KIAA1217: variants seen among roughly 807,000 people sequenced by gnomAD.
KIAA1217 encodes KIAA1217.
KIAA1217 carries 88 observed loss-of-function variants against 163.9 expected under a neutral mutation model. The ratio of observed to expected loss-of-function variants is 0.54; its 90% CI spans 0.45 to 0.64. The LOEUF is 0.64. Among genes scored for constraint, KIAA1217 ranks in the 30% least tolerant of loss-of-function variants. KIAA1217 has a pLI of 0.00. For missense variants in KIAA1217, 2,372 were observed against 2,475.0 expected (o/e 0.96, Z 0.88); for synonymous variants, 903 against 923.1 (o/e 0.98, Z 0.39).
chr10:24,483,314 C>T (rs2064943893), intron 6 of KIAA1217, among the ~76,000 whole-genome samples: 1 of 152,172 alleles, frequency 6.6e-6, no homozygotes, highest in South Asian at 2.1e-4. Flanking sequence ...CATCTCTCAC[C>T]TGACTTGCTA....
rs1564424234 is a variant in KIAA1217, at chr10:23,790,557, G to GTATATGTGCATATA, written c.-321+95325_-321+95326insTATGTGCATATATA. ...CATATACATGTGCATATATACATAT[G>GTATATGTGCATATA]TACATATGTATATATACATATGTAT... On this transcript the variant is annotated intron_variant, in intron 1 of 18. Transcript: ENST00000376462. 7.2e-5 allele frequency among the ~76,000 whole-genome samples: 5 copies of GTATATGTGCATATA among 69,482 alleles called. 2 individuals carry two copies. Among genetic ancestry groups the GTATATGTGCATATA allele is most frequent in the African/African-American group, 5.7e-4 (5 of 8,762 alleles). The allele number at this position is 69,482 out of a possible 152,430, so 45.6% of individuals were successfully genotyped here. A position where few individuals can be genotyped will look rare whatever the true frequency, so the allele number is the denominator to read the frequency against.
At chr10:24,235,164 T>C (rs1343296739) in intron 2 of KIAA1217, among the ~76,000 whole-genome samples, 1 of 152,218 alleles carries the variant, frequency 6.6e-6, no homozygotes, top group African/African-American at 2.4e-5. Flanking sequence ...CCATCTGCCT[T>C]ACTCCAAGTC....
At chr10:24,168,005 G>A (rs1395017509) in intron 2 of KIAA1217, among the ~76,000 whole-genome samples, 2 of 152,150 alleles carry the variant, frequency 1.3e-5, no homozygotes, top group Non-Finnish European at 2.9e-5. Flanking sequence ...TCTCTCATGA[G>A]GCCCCACCAC....
chr10:24,180,225 T>C (rs1328612051), intron 2 of KIAA1217, among the ~76,000 whole-genome samples: 2 of 150,912 alleles, frequency 1.3e-5, no homozygotes. Context: ...TTTGAGGACC[T>C]CTACAGTCAG....
intron 1 of KIAA1217, among the ~76,000 whole-genome samples, chr10:23,752,347 A>C (rs114016357): frequency 0.019 from 2,830 of 152,252 alleles, 86 homozygotes; most frequent in African/African-American, 0.06. Context: ...ATATGGGCTT[A>C]AGCAAGTCTC....
At chr10:23,810,425 G>A (rs190767962) in intron 1 of KIAA1217, among the ~76,000 whole-genome samples, 36 of 140,156 alleles carry the variant, frequency 2.6e-4, no homozygotes, top group Non-Finnish European at 4.7e-4. Context: ...ATACACACAC[G>A]CTATATGTAC....
chr10:24,519,840 A>T (rs1233714601), intron 10 of KIAA1217, among the ~76,000 whole-genome samples: 1 of 151,964 alleles, frequency 6.6e-6, no homozygotes, highest in Admixed American at 6.5e-5. Context: ...AGCACCACTG[A>T]ATAAAAAGAC....
intron 1 of KIAA1217, among the ~76,000 whole-genome samples, chr10:23,809,587 C>A (rs927455847): frequency 6.6e-6 from 1 of 151,880 alleles, no homozygotes; most frequent in Admixed American, 6.6e-5. Context: ...ATCACTGTAA[C>A]TAAATGCTTT....
intron 2 of KIAA1217, chr10:24,255,584 A>G (rs1255619099): frequency 2.4e-5 from 11 of 455,584 alleles, no homozygotes; most frequent in South Asian, 1.6e-4. Context: ...TCCGAGCAGC[A>G]GACAGGAGCA....
chr10:24,408,855 C>T (rs995762380), intron 3 of KIAA1217, among the ~76,000 whole-genome samples: 3 of 152,112 alleles, frequency 2.0e-5, no homozygotes, highest in African/African-American at 7.2e-5. Flanking sequence ...GGACTAATAG[C>T]CACCTGATAT....
chr10:24,198,335 G>A (rs1051135394), intron 2 of KIAA1217, among the ~76,000 whole-genome samples: 3 of 152,194 alleles, frequency 2.0e-5, no homozygotes, highest in African/African-American at 4.8e-5. Flanking sequence ...CTGGGTGGGC[G>A]TGGTGGCTCA....
chr10:24,477,678 A>G (rs2064190697), intron 6 of KIAA1217, among the ~76,000 whole-genome samples: 1 of 152,262 alleles, frequency 6.6e-6, no homozygotes, highest in Non-Finnish European at 1.5e-5. Flanking sequence ...CATTTTAAAT[A>G]TAACTGCCCT....
intron 1 of KIAA1217, among the ~76,000 whole-genome samples, chr10:23,702,808 A>C (rs377766962): frequency 1.7e-4 from 26 of 152,278 alleles, no homozygotes; most frequent in African/African-American, 6.3e-4. Flanking sequence ...TTTGCTACTT[A>C]AAAATTAACA....
intron 2 of KIAA1217, among the ~76,000 whole-genome samples, chr10:24,093,812 C>G (rs2062036143): frequency 8.3e-6 from 1 of 120,386 alleles, no homozygotes; most frequent in Non-Finnish European, 1.6e-5. Context: ...CCCCCCACCC[C>G]ACAACAGTCC....
intron 1 of KIAA1217, among the ~76,000 whole-genome samples, chr10:23,846,108 A>G (rs1839015212): frequency 6.6e-6 from 1 of 152,168 alleles, no homozygotes; most frequent in African/African-American, 2.4e-5. Context: ...TTTTGGTACC[A>G]GTACCATGCT....
At chr10:24,264,682 T>C (rs2076035682) in intron 2 of KIAA1217, among the ~76,000 whole-genome samples, 1 of 152,034 alleles carries the variant, frequency 6.6e-6, no homozygotes, top group Non-Finnish European at 1.5e-5. Context: ...GGGAAATGAA[T>C]GATCTGACAG....
intron 2 of KIAA1217, among the ~76,000 whole-genome samples, chr10:24,185,803 A>G (rs574497430): frequency 6.6e-6 from 1 of 152,136 alleles, no homozygotes; most frequent in East Asian, 1.9e-4. Flanking sequence ...CTCAAAAAAA[A>G]AAATTGCAAA....
At chr10:24,418,917 C>T (rs1474221922) in intron 3 of KIAA1217, among the ~76,000 whole-genome samples, 1 of 151,896 alleles carries the variant, frequency 6.6e-6, no homozygotes, top group African/African-American at 2.4e-5. Context: ...TGGCTCACGC[C>T]TGTAATCCCA....
At chr10:23,911,045 A>T (rs1349699809) in intron 1 of KIAA1217, among the ~76,000 whole-genome samples, 1 of 152,220 alleles carries the variant, frequency 6.6e-6, no homozygotes, top group African/African-American at 2.4e-5. Context: ...ACAATGTGCC[A>T]GATGGCGAGT....
Sources: gnomAD v4.1 joint callset for allele counts (sites outside exome capture counted in the v4.1 genomes callset) on GRCh38, gnomAD v4.1.1 for gene constraint, MANE v1.5 for transcripts, NCBI Gene and HGNC (gene_info 2026-07-23, HGNC 2026-07-21) for gene names.